TFPI: variants seen among roughly 807,000 people sequenced by gnomAD.
TFPI encodes the protein tissue factor pathway inhibitor.
In TFPI, 15 loss-of-function variants were observed where a neutral mutation model predicts 34.6. The ratio of observed to expected loss-of-function variants is 0.43; its 90% confidence interval spans 0.29 to 0.67. The LOEUF (loss-of-function observed/expected upper bound fraction) is 0.67, where lower values mean the gene tolerates loss of function less well. TFPI is among the 30% of genes least tolerant of loss of function. The pLI is 0.15. For missense variants in TFPI, 301 were observed against 364.0 expected (o/e 0.83, Z 1.41); for synonymous variants, 105 against 120.1 (o/e 0.87, Z 0.82).
intron 1 of TFPI, chr2:187,513,645 T>A (rs1211510840): frequency 6.6e-6 from 1 of 152,650 alleles, no homozygotes; most frequent in Non-Finnish European, 1.5e-5. Flanking sequence ...AGACTGCTGT[T>A]CCTACAATGG....
intron 1 of TFPI, among the ~76,000 whole-genome samples, chr2:187,503,998 A>C (rs941644747): frequency 6.6e-6 from 1 of 152,144 alleles, no homozygotes; most frequent in Non-Finnish European, 1.5e-5. Context: ...ATATTCAAGC[A>C]AACAGGTCAT....
intron 1 of TFPI, among the ~76,000 whole-genome samples, chr2:187,551,193 A>G (rs1372632591): frequency 6.6e-6 from 1 of 152,116 alleles, no homozygotes; most frequent in Non-Finnish European, 1.5e-5. Context: ...ATTCCTTGCA[A>G]TAATTCCAAG....
intron 6 of TFPI, among the ~76,000 whole-genome samples, chr2:187,476,046 A>G (rs533700381): frequency 6.6e-6 from 1 of 152,292 alleles, no homozygotes; most frequent in East Asian, 1.9e-4. Context: ...AACAGTGCTG[A>G]TTCAAACAGT....
chr2:187,497,213 T>C, intron 2 of TFPI, 135 bp from the exon 3 acceptor site: 1 of 835,940 alleles, frequency 1.2e-6, no homozygotes, highest in Non-Finnish European at 1.8e-6. Context: ...AAAAAGTTAT[T>C]CAGTTATCAA....
At chr2:187,539,201 A>G (rs1403282515) in intron 1 of TFPI, among the ~76,000 whole-genome samples, 2 of 152,158 alleles carry the variant, frequency 1.3e-5, no homozygotes, top group African/African-American at 4.8e-5. Flanking sequence ...GTCTGTGAGT[A>G]CATTAGAGAA....
chr2:187,505,208 T>A (rs727508), intron 1 of TFPI, among the ~76,000 whole-genome samples: 10,115 of 152,048 alleles, frequency 0.067, 567 homozygotes, highest in East Asian at 0.25. Flanking sequence ...AAATACAGAG[T>A]GTACTCTGCA....
chr2:187,506,769 T>C (rs925536849), intron 1 of TFPI, among the ~76,000 whole-genome samples: 2 of 152,148 alleles, frequency 1.3e-5, no homozygotes, highest in Admixed American at 6.5e-5. Context: ...AGTGCCATTT[T>C]TGTCACATTA....
Position 187,491,217 on chromosome 2 carries a change from AT to A in TFPI, c.320-2843del, listed in dbSNP as rs569767259. ...ATTTATTTCTTTTTTATTTTCATAG[AT>A]TTAGGGGCTAGAAGTACGATTTTGT... On this transcript the variant is annotated intron_variant, in intron 3 of 7. Transcript: ENST00000233156. 3.0e-3 allele frequency among the ~76,000 whole-genome samples: 457 copies of A among 151,390 alleles called. 2 individuals carry two copies. Among genetic ancestry groups the A allele is most frequent in the Non-Finnish European group, 5.1e-3 (348 of 67,702 alleles).
intron 2 of TFPI, among the ~76,000 whole-genome samples, chr2:187,500,045 T>A (rs1685748934): frequency 6.6e-6 from 1 of 152,208 alleles, no homozygotes; most frequent in Non-Finnish European, 1.5e-5. Flanking sequence ...TGATAGTATT[T>A]ATTATCAAGC....
intron 6 of TFPI, among the ~76,000 whole-genome samples, chr2:187,471,207 A>G (rs181976649): frequency 6.6e-6 from 1 of 152,328 alleles, no homozygotes; most frequent in East Asian, 1.9e-4. Flanking sequence ...TAATTCATTT[A>G]TCTTAAGATC....
At chr2:187,517,757 T>G (rs1264860067) in intron 1 of TFPI, 2 of 152,226 alleles carry the variant, frequency 1.3e-5, no homozygotes, top group Non-Finnish European at 1.5e-5. Context: ...AGTCTCCTAC[T>G]ATTATTGTGT....
intron 7 of TFPI, 102 bp from the exon 8 acceptor site, chr2:187,467,144 G>C: frequency 1.3e-6 from 1 of 754,408 alleles, no homozygotes. Context: ...AAATCCAAAA[G>C]ATGTTATTGA....
intron 3 of TFPI, among the ~76,000 whole-genome samples, 180 bp from the exon 4 acceptor site, chr2:187,488,555 T>G (rs1274877182): frequency 6.6e-6 from 1 of 151,402 alleles, no homozygotes; most frequent in Non-Finnish European, 1.5e-5. Flanking sequence ...TTCTATTTAT[T>G]GTAACCATGA....
At chr2:187,488,047 G>A (rs75972790) in intron 4 of TFPI, among the ~76,000 whole-genome samples, 1,669 of 151,212 alleles carry the variant, frequency 0.011, 40 homozygotes, top group African/African-American at 0.038. Flanking sequence ...GAGTAAATAC[G>A]GTGTTTGGAG....
chr2:187,493,370 G>A (rs1414972468), intron 3 of TFPI, among the ~76,000 whole-genome samples: 1 of 152,130 alleles, frequency 6.6e-6, no homozygotes, highest in Non-Finnish European at 1.5e-5. Flanking sequence ...TGAGGACCCT[G>A]GGCCGGGTCC....
intron 1 of TFPI, chr2:187,515,472 A>G (rs1000180177): frequency 6.6e-6 from 1 of 152,222 alleles, no homozygotes; most frequent in African/African-American, 2.4e-5. Context: ...ATCCTTGAAC[A>G]TCAGTAGACT....
rs370282385 is a variant in TFPI at position 187,503,704 on chromosome 2, G to A, written c.65C>T (p.Ala22Val). 4 of 1,613,012 alleles carry A rather than the reference G, an allele frequency of 2.5e-6. No homozygotes were observed. The African/African-American group carries it at 5.3e-5, about 22-fold the overall frequency. ...AGAATCAGCATTAAGAGGGGCAGGG[G>A]CAAGATTAAGCAGCAGGCATACAGA... ...WASVCLLLNL[A>V]PAPLNADSEE... is the part of the protein sequence containing the mutation. The change falls in exon 2 of 8, where the codon GCC becomes GTC. Residue 22 changes from alanine (A) to valine (V), a missense_variant. By Grantham distance (64) the Ala-to-Val change is moderately conservative (BLOSUM62 0). Transcript: ENST00000233156.
Position 187,464,498 on chromosome 2 carries a change from A to G in TFPI, c.*2438T>C, listed in dbSNP as rs577918731. 3 of 152,212 alleles carry G rather than the reference A, an allele frequency of 2.0e-5. No homozygotes were observed. Among genetic ancestry groups the G allele is most frequent in the Non-Finnish European group, 4.4e-5 (3 of 68,032 alleles). The allele number at this position is 152,212 out of a possible 1,614,324, so 9.4% of individuals were successfully genotyped here. On this transcript the variant is annotated 3_prime_UTR_variant, in exon 8 of 8. Transcript: ENST00000233156. Reference sequence around the variant, plus strand: ...TGCATTAAACATTTCAAGCCATCTCAGTATATGTCTTTCTTGAGTAAGTAG... The same window carrying G: ...TGCATTAAACATTTCAAGCCATCTCGGTATATGTCTTTCTTGAGTAAGTAG...
intron 4 of TFPI, among the ~76,000 whole-genome samples, chr2:187,488,109 A>G (rs1693416583): frequency 4.0e-5 from 6 of 151,376 alleles, no homozygotes; most frequent in Non-Finnish European, 8.9e-5. Flanking sequence ...GATTATGTCC[A>G]TTGAATCATG....
Sources: allele counts gnomAD v4.1 joint callset (sites outside exome capture counted in the v4.1 genomes callset), GRCh38; gene constraint gnomAD v4.1.1; transcripts MANE v1.5; gene names NCBI Gene and HGNC (gene_info 2026-07-23, HGNC 2026-07-21).